Variants in CHST9 observed in about 807,000 individuals in gnomAD.
CHST9 encodes carbohydrate sulfotransferase 9, also known as GalNAc-4-sulfotransferase 2.
Under a neutral mutation model 44.4 loss-of-function variants are expected in CHST9, and 41 were observed. The ratio of observed to expected loss-of-function variants is 0.92; its 90% CI spans 0.72 to 1.20. The LOEUF is 1.20. Ranked by LOEUF, CHST9 falls within the 50% of genes most tolerant of loss-of-function variation. The probability of loss-of-function intolerance (pLI) is 0.00; values close to 1 mark genes in which losing one functional copy is unlikely to be tolerated. For missense variants in CHST9, 504 were observed against 516.5 expected, an observed-to-expected ratio of 0.98 and a Z score of 0.23; for synonymous variants, 171 against 178.4, an observed-to-expected ratio of 0.96 and a Z score of 0.33.
At chr18:26,935,016 A>G (rs1315255733) in intron 5 of CHST9, 1 of 152,238 alleles carries the variant, frequency 6.6e-6, no homozygotes, top group Non-Finnish European at 1.5e-5. Context: ...CACATCCTGC[A>G]TAGCACTTAG....
chr18:26,936,466 G>C (rs1371617368), intron 5 of CHST9: 1 of 151,996 alleles, frequency 6.6e-6, no homozygotes, highest in Non-Finnish European at 1.5e-5. Flanking sequence ...GATGACAAGT[G>C]GGCTCTGTGG....
chr18:26,999,345 T>C (rs542570424), intron 4 of CHST9, among the ~76,000 whole-genome samples: 3 of 152,330 alleles, frequency 2.0e-5, no homozygotes, highest in East Asian at 1.9e-4. Context: ...TATTAAACTA[T>C]AGCTTCTAAA....
At position 26,957,350 on chromosome 18, in the gene CHST9, T is replaced by A. The variant is rs139770722; in HGVS notation, c.203-12984A>T. ...GTTTTATGGAAACTGTTGGTTGAAG[T>A]CAGTCTGTTTCTTTGACAGATGGCT... On this transcript the variant is annotated intron_variant, in intron 4 of 5. Coordinates refer to ENST00000618847, the MANE Select transcript of CHST9 (RefSeq NM_031422.6). 4.3e-3 allele frequency among the ~76,000 whole-genome samples: 662 copies of A among 152,278 alleles called. 5 individuals are homozygous for A. Among genetic ancestry groups the A allele is most frequent in the African/African-American group, 0.015 (640 of 41,544 alleles).
intron 4 of CHST9, among the ~76,000 whole-genome samples, chr18:27,008,027 G>A (rs568713936): frequency 1.3e-5 from 2 of 152,300 alleles, no homozygotes; most frequent in Non-Finnish European, 2.9e-5. Flanking sequence ...AAGAGAAAGT[G>A]AGTCACTCAT....
chr18:27,082,794 C>G (rs1260878148), intron 2 of CHST9, among the ~76,000 whole-genome samples: 2 of 152,136 alleles, frequency 1.3e-5, no homozygotes, highest in African/African-American at 4.8e-5. Flanking sequence ...GCCTTTGATA[C>G]GTCCAGCTGA....
intron 3 of CHST9, among the ~76,000 whole-genome samples, chr18:27,031,982 C>T (rs1397325781): frequency 6.6e-6 from 1 of 152,104 alleles, no homozygotes; most frequent in Non-Finnish European, 1.5e-5. Context: ...TCATCACTGT[C>T]CCTACTTTAG....
intron 2 of CHST9, among the ~76,000 whole-genome samples, chr18:27,072,391 T>C (rs2057850416): frequency 6.6e-6 from 1 of 152,072 alleles, no homozygotes; most frequent in Admixed American, 6.6e-5. Context: ...TTAGCTCCAG[T>C]GGACTCATGA....
chr18:27,113,237 C>T (rs1417438451), intron 2 of CHST9, among the ~76,000 whole-genome samples: 1 of 151,308 alleles, frequency 6.6e-6, no homozygotes, highest in East Asian at 1.9e-4. Context: ...AGTACTATCA[C>T]ATAACCTATC....
At chr18:27,088,255 G>A (rs1035783546) in intron 2 of CHST9, among the ~76,000 whole-genome samples, 1 of 152,078 alleles carries the variant, frequency 6.6e-6, no homozygotes, top group Admixed American at 6.6e-5. Context: ...GCAAAGATAA[G>A]GGACACAAAA....
At chr18:26,949,220 C>T (rs544827822) in intron 4 of CHST9, among the ~76,000 whole-genome samples, 72 of 152,016 alleles carry the variant, frequency 4.7e-4, no homozygotes, top group African/African-American at 1.6e-3. Context: ...AAGGGAGGGA[C>T]GCCAGGAGCA....
rs2055486393 is a variant in CHST9 at position 26,914,589 on chromosome 18, G to A, written c.*1670C>T. The A allele has an allele frequency of 1.4e-5, 3 of 217,866 alleles. No homozygotes were observed. Among genetic ancestry groups the A allele is most frequent in the Non-Finnish European group, 2.7e-5 (3 of 111,752 alleles). The allele number at this position is 217,866 out of a possible 1,614,324, so 13.5% of individuals were successfully genotyped here. On this transcript the variant is annotated 3_prime_UTR_variant, in exon 6 of 6. Transcript: ENST00000618847. ...TAATGGCATGGAAAAGTAGTAAAAG[G>A]TTGGATTAGAAGGTTTAATACTTTT... is the stretch of plus-strand genomic sequence containing the variant.
intron 4 of CHST9, among the ~76,000 whole-genome samples, chr18:27,012,683 C>T (rs2057099241): frequency 6.6e-6 from 1 of 152,180 alleles, no homozygotes; most frequent in African/African-American, 2.4e-5. Context: ...GCCTGCAGTT[C>T]AGCAAGGTAG....
chr18:27,021,575 A>AC (rs1233400702), intron 4 of CHST9, among the ~76,000 whole-genome samples: 1 of 152,104 alleles, frequency 6.6e-6, no homozygotes, highest in African/African-American at 2.4e-5. Flanking sequence ...GTGTGGCTGT[A>AC]CCTGCAAACT....
At chr18:27,038,275 G>C (rs753248327) in intron 3 of CHST9, among the ~76,000 whole-genome samples, 3 of 152,208 alleles carry the variant, frequency 2.0e-5, no homozygotes, top group African/African-American at 7.2e-5. Context: ...TCCAGGTGCA[G>C]TGGCTCATGC....
chr18:27,141,652 G>A (rs1598752549), intron 2 of CHST9, among the ~76,000 whole-genome samples: 1 of 142,288 alleles, frequency 7.0e-6, no homozygotes, highest in South Asian at 2.2e-4. Flanking sequence ...ATTTAAAAAT[G>A]GAAACAATTT....
chr18:27,170,995 C>T (rs933815991), intron 1 of CHST9, among the ~76,000 whole-genome samples: 5 of 152,162 alleles, frequency 3.3e-5, no homozygotes, highest in Non-Finnish European at 5.9e-5. Context: ...ACTCTCCTAC[C>T]GTTTTTATTA....
At chr18:27,046,824 A>T (rs991656517) in intron 3 of CHST9, among the ~76,000 whole-genome samples, 1 of 152,052 alleles carries the variant, frequency 6.6e-6, no homozygotes, top group Admixed American at 6.6e-5. Context: ...AGTTATCCTT[A>T]ACCTCACCCT....
chr18:27,126,671 C>A (rs1427596057), intron 2 of CHST9, among the ~76,000 whole-genome samples: 1 of 151,956 alleles, frequency 6.6e-6, no homozygotes, highest in Non-Finnish European at 1.5e-5. Flanking sequence ...GTTTTGATAG[C>A]CTGAGTATGG....
At chr18:27,158,881 C>T (rs1188335742) in intron 1 of CHST9, among the ~76,000 whole-genome samples, 16 of 152,176 alleles carry the variant, frequency 1.1e-4, no homozygotes, top group Non-Finnish European at 2.1e-4. Flanking sequence ...TTTCATGTGT[C>T]TTTTGGCTGC....
Sources: allele counts gnomAD v4.1 joint callset (sites outside exome capture counted in the v4.1 genomes callset), GRCh38; gene constraint gnomAD v4.1.1; transcripts MANE v1.5; gene names NCBI Gene and HGNC (gene_info 2026-07-23, HGNC 2026-07-21).